Variants in ARL15 observed in about 807,000 individuals in gnomAD.
ARL15 encodes ARF like GTPase 15.
ARL15 carries 19 observed loss-of-function variants against 25.2 expected under a neutral mutation model. The ratio of observed to expected loss-of-function variants is 0.75; its 90% CI spans 0.53 to 1.10. The LOEUF (loss-of-function observed/expected upper bound fraction) is 1.10, where lower values mean the gene tolerates loss of function less well. ARL15 is among the 50% of genes least tolerant of loss of function. The probability of loss-of-function intolerance (pLI) is 0.00; values close to 1 mark genes in which losing one functional copy is unlikely to be tolerated. For missense variants in ARL15, 220 were observed against 246.0 expected (o/e 0.89, Z 0.71); for synonymous variants, 94 against 86.8 (o/e 1.08, Z -0.46).
intron 4 of ARL15, among the ~76,000 whole-genome samples, chr5:54,088,121 T>TGA (rs1752030516): frequency 6.6e-6 from 1 of 152,174 alleles, no homozygotes. Context: ...CCAACTAGCA[T>TGA]GACTGTTTCC....
chr5:54,047,389 C>T (rs535933561), intron 4 of ARL15, among the ~76,000 whole-genome samples: 16 of 152,172 alleles, frequency 1.1e-4, no homozygotes, highest in Non-Finnish European at 1.8e-4. Context: ...GTCTCATTCT[C>T]TCCTACTGCA....
At position 54,187,279 on chromosome 5, in the gene ARL15, G is replaced by A. The variant is rs535707935; in HGVS notation, c.49-15351C>T. On this transcript the variant is annotated intron_variant, in intron 1 of 4. Coordinates refer to ENST00000504924, the MANE Select transcript of ARL15 (RefSeq NM_019087.3). ...AAACCTTGCTGGCTCTCATGCTGGGGCCCTGGCTACCAGGTTGTTGAGGAA... is the reference window on the plus strand; with the variant it reads ...AAACCTTGCTGGCTCTCATGCTGGGACCCTGGCTACCAGGTTGTTGAGGAA... Among the ~76,000 whole-genome samples the A allele has an allele frequency of 3.3e-5, 5 of 152,206 alleles. No individual in the cohort carries two copies. The South Asian group carries it at 1.0e-3, about 32-fold the overall frequency.
chr5:54,151,003 A>G (rs542755840), intron 3 of ARL15, among the ~76,000 whole-genome samples: 2 of 152,238 alleles, frequency 1.3e-5, no homozygotes, highest in East Asian at 1.9e-4. Flanking sequence ...GTTAGGCACA[A>G]GAGCTCAGAC....
At chr5:54,301,869 G>T (rs913355934) in intron 1 of ARL15, among the ~76,000 whole-genome samples, 2 of 152,226 alleles carry the variant, frequency 1.3e-5, no homozygotes, top group Non-Finnish European at 2.9e-5. Context: ...GCAGTCCAGA[G>T]GTTAAAACAG....
At chr5:54,126,188 C>T (rs999929395) in intron 3 of ARL15, among the ~76,000 whole-genome samples, 7 of 152,130 alleles carry the variant, frequency 4.6e-5, no homozygotes, top group African/African-American at 1.7e-4. Context: ...CACATTGTTT[C>T]ATCTACCTCT....
chr5:53,978,638 A>G (rs956089903), intron 4 of ARL15, among the ~76,000 whole-genome samples: 5 of 128,654 alleles, frequency 3.9e-5, no homozygotes, highest in African/African-American at 1.3e-4. Context: ...AAAAAAAAAG[A>G]AAAGAAAAGA....
At chr5:54,162,024 C>CACATACACAG (rs148833900) in intron 2 of ARL15, among the ~76,000 whole-genome samples, 1 of 145,340 alleles carries the variant, frequency 6.9e-6, no homozygotes, top group Admixed American at 6.8e-5. Flanking sequence ...CACACACACA[C>CACATACACAG]AGAGAGAGAT....
intron 1 of ARL15, among the ~76,000 whole-genome samples, chr5:54,246,898 G>A (rs1757103697): frequency 1.3e-5 from 2 of 149,458 alleles, no homozygotes; most frequent in Admixed American, 6.7e-5. Flanking sequence ...ATGTCATAAG[G>A]GAGAGGGTGA....
chr5:54,162,315 G>T (rs1359026208), intron 2 of ARL15, among the ~76,000 whole-genome samples: 2 of 151,944 alleles, frequency 1.3e-5, no homozygotes, highest in Non-Finnish European at 2.9e-5. Flanking sequence ...GCCTCCCATG[G>T]CCAACTCAGC....
intron 1 of ARL15, among the ~76,000 whole-genome samples, chr5:54,267,924 G>C (rs1757672456): frequency 6.6e-6 from 1 of 151,564 alleles, no homozygotes; most frequent in Non-Finnish European, 1.5e-5. Flanking sequence ...TTCAACTTTG[G>C]TGAATCTGAC....
chr5:54,094,285 TA>T (rs1445236424), intron 4 of ARL15, among the ~76,000 whole-genome samples: 1 of 152,134 alleles, frequency 6.6e-6, no homozygotes, highest in Non-Finnish European at 1.5e-5. Flanking sequence ...TTCAATTTCT[TA>T]AAATACAGAG....
chr5:54,055,765 T>G (rs1177684273), intron 4 of ARL15, among the ~76,000 whole-genome samples: 1 of 152,170 alleles, frequency 6.6e-6, no homozygotes, highest in Non-Finnish European at 1.5e-5. Context: ...GTCAAGTTCC[T>G]ATTTACCCTT....
At chr5:54,175,173 A>G (rs1254294661) in intron 1 of ARL15, among the ~76,000 whole-genome samples, 1 of 152,168 alleles carries the variant, frequency 6.6e-6, no homozygotes, top group Non-Finnish European at 1.5e-5. Context: ...TTTCATCTTC[A>G]TGTTCTTTTT....
At chr5:54,160,297 G>C (rs1754366382) in intron 2 of ARL15, among the ~76,000 whole-genome samples, 1 of 152,134 alleles carries the variant, frequency 6.6e-6, no homozygotes, top group Non-Finnish European at 1.5e-5. Flanking sequence ...TAACACATTT[G>C]AAGCTAATAC....
chr5:54,128,256 G>T (rs1277550862), intron 3 of ARL15, among the ~76,000 whole-genome samples: 1 of 152,128 alleles, frequency 6.6e-6, no homozygotes, highest in Non-Finnish European at 1.5e-5. Flanking sequence ...TGATCCTGCA[G>T]CAAACTGATT....
chr5:54,075,070 C>G (rs1251135508), intron 4 of ARL15, among the ~76,000 whole-genome samples: 1 of 7,220 alleles, frequency 1.4e-4, no homozygotes, highest in African/African-American at 3.5e-4. Context: ...GTACAGAATA[C>G]AGGAAAAAAA....
At chr5:54,207,765 A>C (rs1755911382) in intron 1 of ARL15, among the ~76,000 whole-genome samples, 3 of 152,280 alleles carry the variant, frequency 2.0e-5, no homozygotes, top group South Asian at 4.1e-4. Context: ...AATGGCTGGA[A>C]TCCAAGATCC....
At position 54,299,396 on chromosome 5, in the gene ARL15, T is replaced by G. The variant is rs145950105; in HGVS notation, c.48+11036A>C. Among the ~76,000 whole-genome samples, 358 of 152,278 alleles carry G rather than the reference T, an allele frequency of 2.4e-3. 1 individual carries two copies. The highest frequency in any genetic ancestry group is 8.2e-3 in the African/African-American group (342 of 41,556). On this transcript the variant is annotated intron_variant, in intron 1 of 4. Transcript: ENST00000504924. The stretch of plus-strand genomic sequence containing the variant: ...TGTGAGCTCAAACATTAGCCAGACC[T>G]AGGTTCAAATTCTGGCTCCACCATG...
chr5:53,908,152 T>C (rs753879295), intron 4 of ARL15, among the ~76,000 whole-genome samples: 3 of 152,238 alleles, frequency 2.0e-5, no homozygotes, highest in Non-Finnish European at 4.4e-5. Flanking sequence ...CATTACAGTA[T>C]GTTGTTACAA....
Sources: gnomAD v4.1 joint callset for allele counts (sites outside exome capture counted in the v4.1 genomes callset) on GRCh38, gnomAD v4.1.1 for gene constraint, MANE v1.5 for transcripts, NCBI Gene and HGNC (gene_info 2026-07-23, HGNC 2026-07-21) for gene names.